FSTL4: variants seen among roughly 807,000 people sequenced by gnomAD.
FSTL4 encodes follistatin like 4.
A neutral mutation model predicts 78.2 loss-of-function variants in FSTL4; 28 were observed. The ratio of observed to expected loss-of-function variants is 0.36; its 90% CI spans 0.27 to 0.49. The LOEUF is 0.49. Ranked by LOEUF, FSTL4 falls within the 20% of genes least tolerant of loss-of-function variation. The pLI, the probability that FSTL4 is intolerant of heterozygous loss-of-function variation, is 0.98. For synonymous variants in FSTL4, 422 were observed against 440.5 expected (o/e 0.96, Z 0.53); for missense variants, 922 against 1,084.9 (o/e 0.85, Z 2.11).
chr5:133,253,468 G>A (rs1412014550), intron 6 of FSTL4, among the ~76,000 whole-genome samples: 1 of 152,170 alleles, frequency 6.6e-6, no homozygotes. Flanking sequence ...CTATGTTCAT[G>A]CCCCTGGAGA....
chr5:133,461,645 G>A (rs1220762855), intron 3 of FSTL4, among the ~76,000 whole-genome samples: 1 of 152,154 alleles, frequency 6.6e-6, no homozygotes, highest in Non-Finnish European at 1.5e-5. Flanking sequence ...CATATCTGGG[G>A]CGCCCAATAA....
At chr5:133,344,371 T>C (rs369200418) in intron 4 of FSTL4, among the ~76,000 whole-genome samples, 12 of 152,378 alleles carry the variant, frequency 7.9e-5, no homozygotes, top group African/African-American at 2.9e-4. Flanking sequence ...TTCTATTCAT[T>C]GACTCTAAAA....
At chr5:133,823,232 T>C in the FSTL4 span, among the ~76,000 whole-genome samples, 3 of 152,088 alleles carry the variant, frequency 2.0e-5, no homozygotes, top group East Asian at 5.8e-4. Context: ...TCAGCTCCTC[T>C]CAAAAGTAGC....
chr5:133,624,799 T>C, the FSTL4 span, among the ~76,000 whole-genome samples: 1 of 151,792 alleles, frequency 6.6e-6, no homozygotes, highest in Non-Finnish European at 1.5e-5. Context: ...TCTTTCTGTA[T>C]AAATTTTATA....
chr5:133,530,552 C>G (rs1362261470), intron 3 of FSTL4, among the ~76,000 whole-genome samples: 2 of 152,186 alleles, frequency 1.3e-5, no homozygotes, highest in East Asian at 3.9e-4. Flanking sequence ...TTTCTGCCTT[C>G]AAGGAGATTG....
chr5:133,401,077 C>A, intron 3 of FSTL4, 91 bp from the exon 4 acceptor site: 1 of 1,456,228 alleles, frequency 6.9e-7, no homozygotes. Context: ...GCACAGACTC[C>A]ATTTGCCTGT....
intron 3 of FSTL4, among the ~76,000 whole-genome samples, chr5:133,414,507 T>G (rs1442789504): frequency 6.6e-6 from 1 of 152,192 alleles, no homozygotes; most frequent in Non-Finnish European, 1.5e-5. Context: ...GTTCACCTAG[T>G]TTGGCAAAAG....
chr5:133,752,033 G>A, the FSTL4 span, among the ~76,000 whole-genome samples: 1 of 152,222 alleles, frequency 6.6e-6, no homozygotes, highest in African/African-American at 2.4e-5. Flanking sequence ...AATCGTGCAA[G>A]CCCCGCCCTT....
the FSTL4 span, among the ~76,000 whole-genome samples, chr5:133,764,080 A>T: frequency 6.6e-6 from 1 of 152,260 alleles, no homozygotes; most frequent in Admixed American, 6.5e-5. Flanking sequence ...AGTGAGCTTC[A>T]GAAAAGCCAA....
rs137994657 is a variant in FSTL4 at position 133,346,756 on chromosome 5, T to C, written c.410-30104A>G. On this transcript the variant is annotated intron_variant, in intron 4 of 15. Transcript: ENST00000265342. Reference sequence around the variant, plus strand: ...TCTTTGTTCTCTCTTTCTGGGTTGATATTAGTTAGATATTGGTATTGCTAG... The same window carrying C: ...TCTTTGTTCTCTCTTTCTGGGTTGACATTAGTTAGATATTGGTATTGCTAG... Among the ~76,000 whole-genome samples, 878 of 152,310 alleles carry C rather than the reference T, an allele frequency of 5.8e-3. 3 individuals carry two copies. The highest frequency in any genetic ancestry group is 8.8e-3 in the Non-Finnish European group (600 of 68,040).
intron 8 of FSTL4, among the ~76,000 whole-genome samples, chr5:133,231,371 C>A (rs1245535317): frequency 6.6e-6 from 1 of 151,964 alleles, no homozygotes; most frequent in Non-Finnish European, 1.5e-5. Context: ...GGAGGGTCTA[C>A]GTGGGTGTGT....
At chr5:133,402,604 G>GA (rs945456309) in intron 3 of FSTL4, among the ~76,000 whole-genome samples, 5 of 150,866 alleles carry the variant, frequency 3.3e-5, no homozygotes, top group African/African-American at 1.2e-4. Flanking sequence ...AAAAAAAAAA[G>GA]AAAAAAATAT....
intron 4 of FSTL4, among the ~76,000 whole-genome samples, chr5:133,329,006 A>G (rs1219886245): frequency 2.6e-5 from 4 of 152,182 alleles, no homozygotes; most frequent in Non-Finnish European, 5.9e-5. Context: ...AGTGGCCACT[A>G]GACTGAGTGG....
chr5:133,825,796 G>A, the FSTL4 span, among the ~76,000 whole-genome samples: 2 of 152,188 alleles, frequency 1.3e-5, no homozygotes, highest in Admixed American at 6.5e-5. Flanking sequence ...TCCAGCTGTC[G>A]GTGACATCTG....
the FSTL4 span, among the ~76,000 whole-genome samples, chr5:133,723,924 T>G: frequency 6.6e-6 from 1 of 152,158 alleles, no homozygotes; most frequent in Admixed American, 6.5e-5. Context: ...CCCTAGGGGT[T>G]AGGGCATAGC....
chr5:133,385,596 C>G (rs1755680328), intron 4 of FSTL4, among the ~76,000 whole-genome samples: 1 of 152,178 alleles, frequency 6.6e-6, no homozygotes, highest in Admixed American at 6.5e-5. Flanking sequence ...CTGAGCCCAC[C>G]CTGTCCACTG....
At chr5:133,239,178 T>TAC (rs1751754897) in intron 7 of FSTL4, among the ~76,000 whole-genome samples, 1 of 152,106 alleles carries the variant, frequency 6.6e-6, no homozygotes, top group Non-Finnish European at 1.5e-5. Context: ...GCTGCCTCCC[T>TAC]GCGGGGCAAG....
chr5:133,454,444 T>C (rs987050898), intron 3 of FSTL4, among the ~76,000 whole-genome samples: 2 of 152,230 alleles, frequency 1.3e-5, no homozygotes, highest in South Asian at 4.1e-4. Flanking sequence ...GCACCAGCGA[T>C]ACCCCTTCCT....
chr5:133,398,743 A>G (rs1307816636), intron 4 of FSTL4, among the ~76,000 whole-genome samples: 1 of 152,148 alleles, frequency 6.6e-6, no homozygotes, highest in African/African-American at 2.4e-5. Flanking sequence ...AGGCCCAGAG[A>G]AGCAGAGTGA....
Sources: allele counts gnomAD v4.1 joint callset (sites outside exome capture counted in the v4.1 genomes callset), GRCh38; gene constraint gnomAD v4.1.1; transcripts MANE v1.5; gene names NCBI Gene and HGNC (gene_info 2026-07-23, HGNC 2026-07-21).